PDE1A: variants seen among roughly 807,000 people sequenced by gnomAD.
The protein encoded by PDE1A is dual specificity calcium/calmodulin-dependent 3',5'-cyclic nucleotide phosphodiesterase 1A.
A neutral mutation model predicts 61.7 loss-of-function variants in PDE1A; 35 were observed. That is an observed-to-expected ratio of 0.57 (90% CI 0.43 to 0.75). PDE1A has a LOEUF of 0.75. PDE1A is among the 30% of genes least tolerant of loss of function. The pLI is 0.00. For missense variants in PDE1A, 597 were observed against 630.6 expected, an observed-to-expected ratio of 0.95 and a Z score of 0.57; for synonymous variants, 232 against 213.2, an observed-to-expected ratio of 1.09 and a Z score of -0.77.
chr2:182,439,155 TAAG>T (rs1684633225), intron 2 of PDE1A, among the ~76,000 whole-genome samples: 1 of 152,036 alleles, frequency 6.6e-6, no homozygotes, highest in South Asian at 2.1e-4. Flanking sequence ...AGATTGGTAA[TAAG>T]AAGAAAGAAG....
intron 7 of PDE1A, among the ~76,000 whole-genome samples, chr2:182,218,021 A>C (rs1320357065): frequency 3.3e-5 from 5 of 149,288 alleles, no homozygotes; most frequent in Non-Finnish European, 6.0e-5. Flanking sequence ...AACCAACCCA[A>C]ATGTCCAACA....
rs1366339739 is a variant in PDE1A, at chr2:182,467,531, A to G, written c.101+54745T>C. On this transcript the variant is annotated intron_variant, in intron 2 of 14. Transcript: ENST00000410103. ...ACTCTTTCAGAGAGTAGAGTATTAG[A>G]AAAAACTTCCCAATTTATTTTATTA... Among the ~76,000 whole-genome samples, 3 of 151,946 alleles carry G rather than the reference A, an allele frequency of 2.0e-5. 1 individual carries two copies. Among genetic ancestry groups the G allele is most frequent in the Non-Finnish European group, 4.4e-5 (3 of 67,922 alleles).
intron 2 of PDE1A, among the ~76,000 whole-genome samples, chr2:182,496,494 TAA>T (rs1257268048): frequency 6.6e-6 from 1 of 152,238 alleles, no homozygotes; most frequent in Non-Finnish European, 1.5e-5. Context: ...TTATGATAGA[TAA>T]TTTAGGTTGA....
At chr2:182,700,593 G>A in the PDE1A span, among the ~76,000 whole-genome samples, 3 of 151,628 alleles carry the variant, frequency 2.0e-5, no homozygotes, top group African/African-American at 4.8e-5. Flanking sequence ...GTGGTGGCAG[G>A]CACCTGTAAT....
At chr2:182,193,206 T>C (rs1685860319) in intron 10 of PDE1A, among the ~76,000 whole-genome samples, 1 of 152,098 alleles carries the variant, frequency 6.6e-6, no homozygotes, top group Non-Finnish European at 1.5e-5. Flanking sequence ...CAGGTTGGTC[T>C]CGAACTCCTG....
chr2:182,186,420 C>G (rs374083045), intron 12 of PDE1A, 48 bp downstream of exon 12: 37 of 1,589,612 alleles, frequency 2.3e-5, no homozygotes, highest in Non-Finnish European at 3.0e-5. Context: ...GAAAGTGTTA[C>G]TAAACACCAC....
the PDE1A span, among the ~76,000 whole-genome samples, chr2:182,582,713 A>T: frequency 6.6e-6 from 1 of 152,226 alleles, no homozygotes; most frequent in African/African-American, 2.4e-5. Context: ...CATAGGAGAA[A>T]GCTTGAGTTG....
At chr2:182,512,059 A>C (rs1689832437) in intron 2 of PDE1A, among the ~76,000 whole-genome samples, 1 of 151,906 alleles carries the variant, frequency 6.6e-6, no homozygotes, top group Non-Finnish European at 1.5e-5. Context: ...TCCTCACACC[A>C]CCATCCCATT....
chr2:182,562,515 T>C, the PDE1A span, among the ~76,000 whole-genome samples: 1 of 151,662 alleles, frequency 6.6e-6, no homozygotes, highest in African/African-American at 2.4e-5. Context: ...TCTAAAATTC[T>C]CTTTTTTGGT....
chr2:182,714,765 G>T, the PDE1A span, among the ~76,000 whole-genome samples: 1 of 151,946 alleles, frequency 6.6e-6, no homozygotes, highest in Non-Finnish European at 1.5e-5. Flanking sequence ...CACCACGTTG[G>T]CCAGGCTGGT....
Position 182,408,194 on chromosome 2 carries a change from A to AT in PDE1A, c.53+18383_53+18384insA, listed in dbSNP as rs1702411942. Among the ~76,000 whole-genome samples the AT allele has an allele frequency of 2.0e-5, 3 of 151,676 alleles. No individual in the cohort carries two copies. The South Asian group carries it at 6.3e-4, about 32-fold the overall frequency. ...AAAAGTATCTGCCAAAAAAAAAAAA[A>AT]AAAAAGCAGTGGCTACCTAAATCCC... On this transcript the variant is annotated intron_variant, in intron 1 of 13. Coordinates refer to ENST00000351439, the Ensembl canonical transcript of PDE1A.
Position 182,278,990 on chromosome 2 carries a change from T to C in PDE1A, c.54-14576A>G, listed in dbSNP as rs571743686. ...CATTTCTTTTCCAACTCAGATACCT[T>C]ACATTGGTAAATGACAGAGACTTTT... is the stretch of plus-strand genomic sequence containing the variant. On this transcript the variant is annotated intron_variant, in intron 1 of 13. Transcript: ENST00000351439. 7.2e-5 allele frequency among the ~76,000 whole-genome samples: 11 copies of C among 152,124 alleles called. No individual in the cohort carries two copies. In the South Asian group the frequency reaches 2.3e-3, roughly 31 times the overall value.
chr2:182,468,776 T>C (rs916444358), intron 2 of PDE1A, among the ~76,000 whole-genome samples: 1 of 152,012 alleles, frequency 6.6e-6, no homozygotes, highest in South Asian at 2.1e-4. Flanking sequence ...AAAGTCAAAA[T>C]TACTCCTTGG....
chr2:182,303,589 T>C (rs1051677001), intron 1 of PDE1A, among the ~76,000 whole-genome samples: 3 of 152,210 alleles, frequency 2.0e-5, no homozygotes, highest in Non-Finnish European at 4.4e-5. Flanking sequence ...TAAATGAGCA[T>C]TGGCTCTAAG....
the PDE1A span, among the ~76,000 whole-genome samples, chr2:182,569,819 A>C: frequency 1.4e-4 from 21 of 152,300 alleles, no homozygotes; most frequent in Admixed American, 3.9e-4. Context: ...GGTTCAATAC[A>C]TTTTCCTTTC....
At chr2:182,535,688 C>G in the PDE1A span, among the ~76,000 whole-genome samples, 2 of 152,184 alleles carry the variant, frequency 1.3e-5, no homozygotes, top group South Asian at 4.1e-4. Flanking sequence ...AATTTCTCAA[C>G]CATTCTACTA....
rs549843040 is a variant in PDE1A at position 182,249,902 on chromosome 2, A to G, written c.168-9610T>C. 2.6e-3 allele frequency among the ~76,000 whole-genome samples: 397 copies of G among 152,314 alleles called. 1 individual carries two copies. The highest frequency in any genetic ancestry group is 9.2e-3 in the African/African-American group (383 of 41,574). On this transcript the variant is annotated intron_variant, in intron 2 of 13. Transcript: ENST00000351439. ...CCAAGCTTTAGCTTATTTAATCCTC[A>G]TAATACCACCATGAGAAAGATCTAA...
At chr2:182,586,605 C>T in the PDE1A span, among the ~76,000 whole-genome samples, 1 of 152,136 alleles carries the variant, frequency 6.6e-6, no homozygotes, top group African/African-American at 2.4e-5. Context: ...CCAGACAAGT[C>T]TTTGTTATGC....
the PDE1A span, among the ~76,000 whole-genome samples, chr2:182,590,082 T>G: frequency 6.6e-6 from 1 of 152,132 alleles, no homozygotes; most frequent in African/African-American, 2.4e-5. Context: ...CATACATAAC[T>G]CCCTCTGTGT....
Sources: gnomAD v4.1 joint callset for allele counts (sites outside exome capture counted in the v4.1 genomes callset) on GRCh38, gnomAD v4.1.1 for gene constraint, MANE v1.5 for transcripts, NCBI Gene and HGNC (gene_info 2026-07-23, HGNC 2026-07-21) for gene names.